The following ERC2 variants were observed in gnomAD, a reference collection of about 807,000 sequenced individuals.
The protein encoded by ERC2 is ERC protein 2.
In ERC2, 42 loss-of-function variants were observed where a neutral mutation model predicts 114.8. That is an observed-to-expected ratio of 0.37 (90% CI 0.29 to 0.47). The LOEUF is 0.47. Among genes scored for constraint, ERC2 ranks in the 20% least tolerant of loss-of-function variants. The pLI, the probability that ERC2 is intolerant of heterozygous loss-of-function variation, is 0.99. For synonymous variants in ERC2, 454 were observed against 425.5 expected (o/e 1.07, Z -0.82); for missense variants, 939 against 1,150.7 (o/e 0.82, Z 2.66).
At chr3:55,560,570 C>T (rs767152830) in intron 17 of ERC2, among the ~76,000 whole-genome samples, 3 of 152,180 alleles carry the variant, frequency 2.0e-5, no homozygotes, top group Non-Finnish European at 2.9e-5. Flanking sequence ...CATGTGACTA[C>T]AGCCATCTTG....
chr3:55,659,220 G>A (rs1314546577), intron 17 of ERC2: 1 of 152,196 alleles, frequency 6.6e-6, no homozygotes. Context: ...TTATGCAGCA[G>A]AAGGAAGATT....
intron 13 of ERC2, among the ~76,000 whole-genome samples, chr3:55,921,701 TAGG>T (rs1458297028): frequency 2.2e-4 from 34 of 152,132 alleles, no homozygotes; most frequent in Non-Finnish European, 1.2e-4. Context: ...TTTGTATTAA[TAGG>T]AGATTTAAAT....
intron 4 of ERC2, among the ~76,000 whole-genome samples, chr3:56,158,399 C>T (rs2081857546): frequency 6.6e-6 from 1 of 152,190 alleles, no homozygotes; most frequent in Non-Finnish European, 1.5e-5. Flanking sequence ...AGAGCTAAGA[C>T]TCTCTCTGCC....
chr3:55,762,607 G>A (rs2067522449), intron 14 of ERC2, among the ~76,000 whole-genome samples: 1 of 152,098 alleles, frequency 6.6e-6, no homozygotes, highest in African/African-American at 2.4e-5. Context: ...CAAACCCTTG[G>A]CCAAAGCTGG....
chr3:55,750,860 G>GT (rs1218917279), intron 14 of ERC2, among the ~76,000 whole-genome samples: 2 of 152,186 alleles, frequency 1.3e-5, no homozygotes, highest in East Asian at 3.8e-4. Context: ...AACATTATGT[G>GT]TAAGTTGTTT....
At chr3:56,330,679 G>A (rs539225004) in intron 2 of ERC2, among the ~76,000 whole-genome samples, 3 of 151,982 alleles carry the variant, frequency 2.0e-5, no homozygotes, top group Non-Finnish European at 4.4e-5. Flanking sequence ...GACATGACTC[G>A]CAACAAAAAT....
At chr3:55,792,455 T>G (rs1408074471) in intron 14 of ERC2, among the ~76,000 whole-genome samples, 1 of 152,216 alleles carries the variant, frequency 6.6e-6, no homozygotes, top group Non-Finnish European at 1.5e-5. Flanking sequence ...ATGTTTATTT[T>G]TCTGCTAAAA....
At chr3:56,044,598 C>G (rs1490792483) in intron 7 of ERC2, among the ~76,000 whole-genome samples, 2 of 151,996 alleles carry the variant, frequency 1.3e-5, no homozygotes, top group Non-Finnish European at 2.9e-5. Flanking sequence ...TATTTTCCAA[C>G]TTAAAGTACT....
chr3:56,256,328 G>GTGA (rs2052514879), intron 3 of ERC2, among the ~76,000 whole-genome samples: 1 of 152,210 alleles, frequency 6.6e-6, no homozygotes, highest in Non-Finnish European at 1.5e-5. Context: ...TTGAAATAAA[G>GTGA]TGAGTACTGA....
At chr3:56,138,941 T>C (rs1447456109) in intron 6 of ERC2, among the ~76,000 whole-genome samples, 2 of 152,142 alleles carry the variant, frequency 1.3e-5, no homozygotes, top group Non-Finnish European at 2.9e-5. Context: ...ACTCACACAA[T>C]ATCAACTTTC....
intron 13 of ERC2, among the ~76,000 whole-genome samples, chr3:55,905,920 T>C (rs751025008): frequency 1.3e-5 from 2 of 152,194 alleles, no homozygotes; most frequent in South Asian, 4.1e-4. Flanking sequence ...CACCTGTCCC[T>C]GGTATTCTTC....
intron 12 of ERC2, among the ~76,000 whole-genome samples, chr3:55,970,793 A>G (rs2069100984): frequency 6.6e-6 from 1 of 152,214 alleles, no homozygotes; most frequent in African/African-American, 2.4e-5. Flanking sequence ...GTTCCTCAAC[A>G]AGCTAAACAT....
At chr3:56,382,323 T>C (rs2059783487) in intron 2 of ERC2, among the ~76,000 whole-genome samples, 1 of 152,054 alleles carries the variant, frequency 6.6e-6, no homozygotes, top group Non-Finnish European at 1.5e-5. Context: ...TATATCATCA[T>C]GTCTCTCATC....
chr3:55,637,586 G>A (rs1395525992), intron 17 of ERC2, among the ~76,000 whole-genome samples: 1 of 152,166 alleles, frequency 6.6e-6, no homozygotes, highest in African/African-American at 2.4e-5. Flanking sequence ...CCAAGTCTCT[G>A]CCCCTGGGTG....
intron 14 of ERC2, among the ~76,000 whole-genome samples, chr3:55,816,938 G>C (rs759455827): frequency 1.3e-5 from 2 of 152,178 alleles, no homozygotes; most frequent in Non-Finnish European, 2.9e-5. Flanking sequence ...TGCAGAGAAA[G>C]TGACGAGTGA....
intron 17 of ERC2, among the ~76,000 whole-genome samples, chr3:55,605,431 T>C (rs2058601258): frequency 6.6e-6 from 1 of 152,242 alleles, no homozygotes; most frequent in South Asian, 2.1e-4. Context: ...AAATAATCAG[T>C]GGTTTGAATT....
At chr3:55,575,743 G>C (rs1575628393) in intron 17 of ERC2, among the ~76,000 whole-genome samples, 1 of 152,154 alleles carries the variant, frequency 6.6e-6, no homozygotes, top group South Asian at 2.1e-4. Flanking sequence ...AAGGACCAAG[G>C]GCACCAAATT....
chr3:56,246,234 C>T (rs2051696919), intron 3 of ERC2, among the ~76,000 whole-genome samples: 1 of 152,080 alleles, frequency 6.6e-6, no homozygotes, highest in South Asian at 2.1e-4. Flanking sequence ...GATTTCCCAA[C>T]CTCGACATCA....
At chr3:55,675,782 C>T (rs906524771) in intron 17 of ERC2, among the ~76,000 whole-genome samples, 1 of 151,996 alleles carries the variant, frequency 6.6e-6, no homozygotes, top group African/African-American at 2.4e-5. Context: ...CCTGAAAGTG[C>T]CATTATGGCC....
Sources: gnomAD v4.1 joint callset for allele counts (sites outside exome capture counted in the v4.1 genomes callset) on GRCh38, gnomAD v4.1.1 for gene constraint, MANE v1.5 for transcripts, NCBI Gene and HGNC (gene_info 2026-07-23, HGNC 2026-07-21) for gene names.